The following MICU1 variants were observed in gnomAD, a reference collection of about 807,000 sequenced individuals.
The protein encoded by MICU1 is calcium uptake protein 1, mitochondrial.
MICU1 carries 45 observed loss-of-function variants against 56.8 expected under a neutral mutation model. The ratio of observed to expected loss-of-function variants is 0.79; its 90% CI spans 0.62 to 1.02. The LOEUF (loss-of-function observed/expected upper bound fraction) is 1.02. Ranked by LOEUF, MICU1 falls within the 50% of genes least tolerant of loss-of-function variation. The pLI is 0.00. For missense variants in MICU1, 504 were observed against 587.1 expected, an observed-to-expected ratio of 0.86 and a Z score of 1.46; for synonymous variants, 186 against 195.1, an observed-to-expected ratio of 0.95 and a Z score of 0.39.
chr10:72,500,253 CATACATACATATATATATATATATAT>C (rs1466238920), intron 6 of MICU1, among the ~76,000 whole-genome samples: 1 of 49,954 alleles, frequency 2.0e-5, no homozygotes, highest in African/African-American at 1.2e-4. Flanking sequence ...TATATACATA[CATACATACATATATATATATATATAT>C]ATATATATAT....
intron 7 of MICU1, chr10:72,475,768 T>C (rs918481410): frequency 4.5e-6 from 2 of 447,702 alleles, no homozygotes; most frequent in Non-Finnish European, 8.9e-6. Context: ...CCTTATTTTA[T>C]AAATAAGATT....
chr10:72,581,660 C>A (rs1412121044), intron 1 of MICU1, among the ~76,000 whole-genome samples: 1 of 152,134 alleles, frequency 6.6e-6, no homozygotes, highest in East Asian at 1.9e-4. Context: ...ACAGAACTAA[C>A]AAGAGTTACT....
At chr10:72,449,045 T>C (rs1007760926) in intron 8 of MICU1, among the ~76,000 whole-genome samples, 15 of 152,092 alleles carry the variant, frequency 9.9e-5, no homozygotes, top group African/African-American at 3.6e-4. Context: ...GCGATCTTCC[T>C]GCCTCAGCCT....
At chr10:72,375,612 C>T (rs150944193) in intron 11 of MICU1, among the ~76,000 whole-genome samples, 171 bp downstream of exon 11, 10 of 152,302 alleles carry the variant, frequency 6.6e-5, no homozygotes, top group South Asian at 2.1e-4. Context: ...GCCAGGGGTT[C>T]GATTTCTCAG....
chr10:72,428,063 G>A (rs1233423284), intron 8 of MICU1, among the ~76,000 whole-genome samples: 1 of 152,132 alleles, frequency 6.6e-6, no homozygotes, highest in East Asian at 1.9e-4. Context: ...GGACACTCAA[G>A]AGCCCAGGTC....
intron 1 of MICU1, among the ~76,000 whole-genome samples, chr10:72,625,491 G>T (rs1842205489): frequency 6.6e-6 from 1 of 152,196 alleles, no homozygotes; most frequent in African/African-American, 2.4e-5. Context: ...ACGGGAAGGC[G>T]CTGGAAAAGA....
intron 8 of MICU1, among the ~76,000 whole-genome samples, chr10:72,436,293 C>A (rs541974502): frequency 0.013 from 2,028 of 152,252 alleles, 12 homozygotes; most frequent in Admixed American, 0.021. Context: ...GACCTCCAGC[C>A]AACTCCAACA....
chr10:72,394,049 G>T (rs552161811), intron 10 of MICU1, among the ~76,000 whole-genome samples: 2 of 152,264 alleles, frequency 1.3e-5, no homozygotes, highest in Admixed American at 1.3e-4. Flanking sequence ...TTACAGGTGT[G>T]AGCCAAAGAG....
chr10:72,373,525 G>A (rs553402602), intron 11 of MICU1, among the ~76,000 whole-genome samples: 71 of 152,164 alleles, frequency 4.7e-4, no homozygotes, highest in African/African-American at 1.7e-3. Context: ...AATAACAACG[G>A]CTTTTTGTTA....
intron 6 of MICU1, among the ~76,000 whole-genome samples, chr10:72,502,047 T>A (rs1185959087): frequency 6.6e-6 from 1 of 152,220 alleles, no homozygotes; most frequent in Non-Finnish European, 1.5e-5. Flanking sequence ...TAAGCTACTT[T>A]GAGGATTCAA....
At chr10:72,485,421 T>G (rs2132290925) in intron 6 of MICU1, among the ~76,000 whole-genome samples, 1 of 152,074 alleles carries the variant, frequency 6.6e-6, no homozygotes, top group Non-Finnish European at 1.5e-5. Context: ...CACCTGACAT[T>G]TATGACATGC....
intron 6 of MICU1, chr10:72,477,667 A>T (rs1386774866): frequency 1.2e-6 from 1 of 857,470 alleles, no homozygotes; most frequent in East Asian, 2.7e-5. Context: ...GAAACACTAC[A>T]TCTTAGTCTT....
At chr10:72,533,699 T>C (rs2132410439) in intron 5 of MICU1, 47 bp downstream of exon 5, 1 of 1,382,768 alleles carries the variant, frequency 7.2e-7, no homozygotes, top group Non-Finnish European at 1.0e-6. Context: ...AAAAATCTTC[T>C]TAGTAAATGA....
intron 2 of MICU1, 43 bp downstream of exon 2, chr10:72,566,590 A>G: frequency 3.8e-6 from 6 of 1,573,616 alleles, no homozygotes; most frequent in Non-Finnish European, 4.3e-6. Flanking sequence ...TGACTGGAAG[A>G]ATAAAAGTAT....
At chr10:72,564,192 C>CA in intron 2 of MICU1, among the ~76,000 whole-genome samples, 1 of 152,094 alleles carries the variant, frequency 6.6e-6, no homozygotes, top group Non-Finnish European at 1.5e-5. Flanking sequence ...GAAAATTGAA[C>CA]AAAATATATC....
chr10:72,513,099 T>C (rs1031798118), intron 5 of MICU1, among the ~76,000 whole-genome samples: 9 of 152,134 alleles, frequency 5.9e-5, no homozygotes, highest in Admixed American at 3.9e-4. Context: ...CTTGATCTCC[T>C]GGGCTTTAAG....
At chr10:72,394,530 G>A (rs1198094967) in intron 10 of MICU1, among the ~76,000 whole-genome samples, 1 of 152,104 alleles carries the variant, frequency 6.6e-6, no homozygotes, top group Admixed American at 6.6e-5. Context: ...GGAGGCTGGG[G>A]CAGGAGAATC....
At chr10:72,400,875 A>T (rs1341261360) in intron 10 of MICU1, among the ~76,000 whole-genome samples, 2 of 138,906 alleles carry the variant, frequency 1.4e-5, no homozygotes, top group Admixed American at 1.4e-4. Context: ...CTACACACAC[A>T]CACACACACA....
intron 6 of MICU1, among the ~76,000 whole-genome samples, chr10:72,490,801 C>T (rs1176528956): frequency 6.6e-6 from 1 of 152,166 alleles, no homozygotes; most frequent in South Asian, 2.1e-4. Context: ...GTGCCCTTTG[C>T]ACAACAAAGG....
Sources: allele counts gnomAD v4.1 joint callset (sites outside exome capture counted in the v4.1 genomes callset), GRCh38; gene constraint gnomAD v4.1.1; transcripts MANE v1.5; gene names NCBI Gene and HGNC (gene_info 2026-07-23, HGNC 2026-07-21).